The following ADAMTS14 variants were observed in gnomAD, a reference collection of about 807,000 sequenced individuals.
The protein encoded by ADAMTS14 is ADAM metallopeptidase with thrombospondin type 1 motif 14.
In ADAMTS14, 100 loss-of-function variants were observed where a neutral mutation model predicts 128.6. The observed-to-expected ratio is 0.78, with a 90% CI of 0.66 to 0.92. ADAMTS14 has a LOEUF of 0.92. ADAMTS14 is among the 40% of genes least tolerant of loss of function. ADAMTS14 has a pLI of 0.00. For synonymous variants in ADAMTS14, 665 were observed against 653.8 expected (o/e 1.02, Z -0.26); for missense variants, 1,562 against 1,658.6 (o/e 0.94, Z 1.01).
chr10:70,709,306 T>G (rs1476064109), intron 4 of ADAMTS14, among the ~76,000 whole-genome samples: 64 of 152,106 alleles, frequency 4.2e-4, no homozygotes, highest in Non-Finnish European at 4.9e-4. Flanking sequence ...GTGGGCAAAT[T>G]CTAAGACTGC....
intron 4 of ADAMTS14, among the ~76,000 whole-genome samples, chr10:70,713,323 A>G (rs748343): frequency 0.64 from 92,123 of 143,406 alleles, 29,117 homozygotes; most frequent in East Asian, 0.81. Flanking sequence ...CCTCTGTGGG[A>G]TGAGGTATTG....
rs756587511 is a variant in ADAMTS14 at position 70,736,674 on chromosome 10, A to G, written c.1486-6A>G. 1.2e-6 allele frequency: 2 copies of G among 1,612,852 alleles called. No homozygotes were observed. The highest frequency in any genetic ancestry group is 1.7e-6 in the Non-Finnish European group (2 of 1,179,302). On this transcript the variant is annotated splice_polypyrimidine_tract_variant and splice_region_variant and intron_variant, in intron 9 of 21. Transcript: ENST00000373207. ...AGTCTGGTGACCCCATTCCCTTGCC[A>G]TGCAGTTCAGGACCTTTGAGCCCTG...
intron 13 of ADAMTS14, 39 bp downstream of exon 13, chr10:70,743,720 G>C: frequency 6.5e-7 from 1 of 1,528,916 alleles, no homozygotes; most frequent in Non-Finnish European, 8.8e-7. Flanking sequence ...CCGGCACAGG[G>C]AGACTGGAGG....
Position 70,735,259 on chromosome 10 carries a change from G to A in ADAMTS14, c.1443G>A (p.Gln481=). 1 of 1,614,066 alleles carries A rather than the reference G, an allele frequency of 6.2e-7. No individual in the cohort carries two copies. The highest frequency in any genetic ancestry group is 2.2e-5 in the East Asian group (1 of 44,888). ...LPGINYSMDE[Q]CRFDFGSGYQ... ...GGATCAACTACTCAATGGATGAGCAGTGCCGCTTTGACTTTGGCAGTGGCT... is the reference window on the plus strand; with the variant it reads ...GGATCAACTACTCAATGGATGAGCAATGCCGCTTTGACTTTGGCAGTGGCT... The change falls in exon 9 of 22, where the codon CAG becomes CAA. Residue 481 remains glutamine (Q), a synonymous_variant. Transcript: ENST00000373207.
chr10:70,721,274 C>T lies in ADAMTS14; in HGVS notation c.871-8020C>T, dbSNP rs1237879623. On this transcript the variant is annotated intron_variant, in intron 4 of 21. Transcript: ENST00000373207. ...TCCTGACCTTGTGATCCTCCTGCCT[C>T]AGCCTCCCAAAGTGCTGGGATTACA... Among the ~76,000 whole-genome samples, 10 of 152,140 alleles carry T rather than the reference C, an allele frequency of 6.6e-5. No homozygotes were observed. The East Asian group carries it at 1.5e-3, about 23-fold the overall frequency.
rs570836690 is a variant in ADAMTS14, at chr10:70,675,636, C to T, written c.522+641C>T. 1.6e-4 allele frequency among the ~76,000 whole-genome samples: 25 copies of T among 152,322 alleles called. No homozygotes were observed. The South Asian group carries it at 4.4e-3, about 27-fold the overall frequency. ...TGCTCTGTGTGTCCCTTTCCTAGGA[C>T]CCCCACTGCTTCCGCAATGCTTCCC... On this transcript the variant is annotated intron_variant, in intron 2 of 21. Coordinates refer to ENST00000373207, the MANE Select transcript of ADAMTS14 (RefSeq NM_080722.4).
At chr10:70,725,253 G>T (rs1841391050) in intron 4 of ADAMTS14, among the ~76,000 whole-genome samples, 1 of 152,134 alleles carries the variant, frequency 6.6e-6, no homozygotes, top group African/African-American at 2.4e-5. Context: ...GAGACTTAAG[G>T]CCAGCAGAGG....
chr10:70,720,235 C>CT (rs1286529829), intron 4 of ADAMTS14, among the ~76,000 whole-genome samples: 2 of 152,186 alleles, frequency 1.3e-5, no homozygotes, highest in Admixed American at 1.3e-4. Flanking sequence ...CACACCAGCC[C>CT]TTTAAAATAT....
chr10:70,728,804 A>G (rs1841525770), intron 4 of ADAMTS14, among the ~76,000 whole-genome samples: 1 of 152,198 alleles, frequency 6.6e-6, no homozygotes, highest in African/African-American at 2.4e-5. Context: ...CTGCTGCTCC[A>G]AGGTCCTGGA....
At chr10:70,699,719 T>C (rs1443914931) in intron 2 of ADAMTS14, among the ~76,000 whole-genome samples, 2 of 152,176 alleles carry the variant, frequency 1.3e-5, no homozygotes, top group Non-Finnish European at 2.9e-5. Context: ...GGGCAGGGAA[T>C]GCTAGGTTTG....
chr10:70,731,541 G>A (rs891748759), intron 6 of ADAMTS14, among the ~76,000 whole-genome samples: 3 of 152,294 alleles, frequency 2.0e-5, no homozygotes, highest in Non-Finnish European at 2.9e-5. Flanking sequence ...GTAGTGCTTA[G>A]CTGGTGCCGG....
rs146195577 is a variant in ADAMTS14 at position 70,755,168 on chromosome 10, G to A, written c.2937+1161G>A. On this transcript the variant is annotated intron_variant, in intron 19 of 21. Transcript: ENST00000373207. ...AAAAAATGTAAAAAGTTAGCTGGGCGTGGTGGTGTGTGCTTGTAATCCCAG... is the reference window on the plus strand; with the variant it reads ...AAAAAATGTAAAAAGTTAGCTGGGCATGGTGGTGTGTGCTTGTAATCCCAG... Among the ~76,000 whole-genome samples, 52 of 152,132 alleles carry A rather than the reference G, an allele frequency of 3.4e-4. No individual in the cohort carries two copies. In the East Asian group the frequency reaches 7.6e-3, roughly 22 times the overall value.
At chr10:70,674,386 A>G (rs563407298) in intron 1 of ADAMTS14, among the ~76,000 whole-genome samples, 170 bp from the exon 2 acceptor site, 1 of 152,288 alleles carries the variant, frequency 6.6e-6, no homozygotes, top group African/African-American at 2.4e-5. Context: ...CAAGTGTAGG[A>G]ATCCTGGAGC....
At chr10:70,749,196 C>T (rs539017334) in intron 15 of ADAMTS14, among the ~76,000 whole-genome samples, 4 of 152,302 alleles carry the variant, frequency 2.6e-5, no homozygotes, top group South Asian at 4.2e-4. Flanking sequence ...GTGCCCACTG[C>T]GCATCACTAC....
At chr10:70,679,051 G>T (rs1390204465) in intron 2 of ADAMTS14, among the ~76,000 whole-genome samples, 4 of 152,170 alleles carry the variant, frequency 2.6e-5, no homozygotes, top group Non-Finnish European at 4.4e-5. Context: ...GCCCTGGAGG[G>T]GTTTGTAGGC....
chr10:70,733,873 TC>T lies in ADAMTS14; in HGVS notation c.1209-8del. On this transcript the variant is annotated splice_polypyrimidine_tract_variant and intron_variant, in intron 7 of 21. Coordinates refer to ENST00000373207, the MANE Select transcript of ADAMTS14 (RefSeq NM_080722.4). ...GGGATGTATCAGGACTCCTCTGTCT[TC>T]CCCATTCCAGGCTCGGCATGGAGCA... 1 of 1,609,892 alleles carries T rather than the reference TC, an allele frequency of 6.2e-7. No homozygotes were observed. Among genetic ancestry groups the T allele is most frequent in the Non-Finnish European group, 8.5e-7 (1 of 1,177,080 alleles).
At chr10:70,730,003 GGCCTTA>G in intron 5 of ADAMTS14, 93 bp from the exon 6 acceptor site, 1 of 1,425,212 alleles carries the variant, frequency 7.0e-7, no homozygotes, top group Non-Finnish European at 9.4e-7. Context: ...CAGTCCTCTG[GGCCTTA>G]GCGTTCCCAT....
chr10:70,737,220 A>G (rs1184595601), intron 10 of ADAMTS14, among the ~76,000 whole-genome samples: 2 of 152,180 alleles, frequency 1.3e-5, no homozygotes, highest in Non-Finnish European at 2.9e-5. Flanking sequence ...GTCTCTGAGC[A>G]TGAGACACAC....
chr10:70,729,360 A>T lies in ADAMTS14; in HGVS notation c.937A>T (p.Met313Leu). The change falls in exon 5 of 22, where the codon ATG (methionine) becomes TTG (leucine). Residue 313 changes from methionine to leucine, a missense_variant. Coordinates refer to ENST00000373207, the MANE Select transcript of ADAMTS14 (RefSeq NM_080722.4). ...AAATATTGCCCTCGTCCGCTTGATCATGGTTGGCTACCGACAGGTAAACCA... is the reference window on the plus strand; with the variant it reads ...AAATATTGCCCTCGTCCGCTTGATCTTGGTTGGCTACCGACAGGTAAACCA... ...HINIALVRLI[M>L]VGYRQSLSLI... 1 of 1,613,856 alleles carries T rather than the reference A, an allele frequency of 6.2e-7. No individual in the cohort carries two copies. The highest frequency in any genetic ancestry group is 8.5e-7 in the Non-Finnish European group (1 of 1,179,934).
Sources: gnomAD v4.1 joint callset for allele counts (sites outside exome capture counted in the v4.1 genomes callset) on GRCh38, gnomAD v4.1.1 for gene constraint, MANE v1.5 for transcripts, NCBI Gene and HGNC (gene_info 2026-07-23, HGNC 2026-07-21) for gene names.